Variants in COLGALT2 observed in about 807,000 individuals in gnomAD.
COLGALT2 encodes collagen beta(1-O)galactosyltransferase 2, also known as procollagen galactosyltransferase 2.
Under a neutral mutation model 73.4 loss-of-function variants are expected in COLGALT2, and 49 were observed. The observed-to-expected ratio is 0.67, with a 90% CI of 0.53 to 0.85. COLGALT2 has a LOEUF of 0.85. Ranked by LOEUF, COLGALT2 falls within the 40% of genes least tolerant of loss-of-function variation. COLGALT2 has a pLI of 0.00. For missense variants in COLGALT2, 722 were observed against 790.2 expected, an observed-to-expected ratio of 0.91 and a Z score of 1.03; for synonymous variants, 295 against 307.6, an observed-to-expected ratio of 0.96 and a Z score of 0.43.
At chr1:184,012,958 C>T (rs1461274202) in intron 1 of COLGALT2, among the ~76,000 whole-genome samples, 2 of 152,226 alleles carry the variant, frequency 1.3e-5, no homozygotes, top group East Asian at 3.8e-4. Context: ...AGGGCGGGCC[C>T]TCAAGAAGCT....
At chr1:184,020,283 C>G (rs1649134789) in intron 1 of COLGALT2, among the ~76,000 whole-genome samples, 2 of 152,020 alleles carry the variant, frequency 1.3e-5, no homozygotes, top group African/African-American at 4.8e-5. Flanking sequence ...GTTAACAGAG[C>G]AAATAATATT....
chr1:183,933,861 A>AAACT (rs1230037467), downstream of COLGALT2, among the ~76,000 whole-genome samples: 12 of 152,202 alleles, frequency 7.9e-5, no homozygotes. Flanking sequence ...GCATAAAAAC[A>AAACT]AACTCCATAA....
chr1:183,942,975 C>CA lies in COLGALT2; in HGVS notation c.1397+1220dup, dbSNP rs562593607. 4.3e-4 allele frequency among the ~76,000 whole-genome samples: 66 copies of CA among 152,198 alleles called. 1 individual carries two copies. Among genetic ancestry groups the CA allele is most frequent in the Non-Finnish European group, 2.5e-4 (17 of 68,042 alleles). Reference sequence around the variant, plus strand: ...GTTGCCTTTATACAAGTCACGTGGACATCAAGTAGCTTCCAGGCCTGTGAG... The same window carrying CA: ...GTTGCCTTTATACAAGTCACGTGGACAATCAAGTAGCTTCCAGGCCTGTGAG... On this transcript the variant is annotated intron_variant, in intron 10 of 11. Transcript: ENST00000361927.
At chr1:183,964,865 C>T (rs893770067) in intron 5 of COLGALT2, among the ~76,000 whole-genome samples, 14 of 152,088 alleles carry the variant, frequency 9.2e-5, no homozygotes, top group African/African-American at 2.4e-4. Context: ...AGGATGAGTC[C>T]GCCATGTATC....
chr1:184,001,380 A>G (rs1299993566), intron 1 of COLGALT2, among the ~76,000 whole-genome samples: 1 of 152,096 alleles, frequency 6.6e-6, no homozygotes, highest in Admixed American at 6.5e-5. Context: ...TCTTTTATAG[A>G]TTTTGGAAAA....
At chr1:183,932,052 A>AG (rs1669859696), downstream of COLGALT2, among the ~76,000 whole-genome samples, 1 of 152,158 alleles carries the variant, frequency 6.6e-6, no homozygotes, top group South Asian at 2.1e-4. Context: ...GAGGTTTCAC[A>AG]GGGGAGACAG....
intron 11 of COLGALT2, among the ~76,000 whole-genome samples, 170 bp from the exon 12 acceptor site, chr1:183,939,207 T>C (rs891972388): frequency 1.3e-5 from 2 of 152,178 alleles, no homozygotes; most frequent in African/African-American, 4.8e-5. Context: ...CTTTAAAAGC[T>C]TTCCAAAGAC....
At chr1:183,961,180 G>A (rs938577761) in intron 6 of COLGALT2, among the ~76,000 whole-genome samples, 4 of 152,192 alleles carry the variant, frequency 2.6e-5, no homozygotes, top group African/African-American at 7.2e-5. Flanking sequence ...AATAAAATGC[G>A]ATATGTAAAG....
At chr1:184,020,947 T>A (rs1055666292) in intron 1 of COLGALT2, among the ~76,000 whole-genome samples, 2 of 152,118 alleles carry the variant, frequency 1.3e-5, no homozygotes, top group African/African-American at 4.8e-5. Flanking sequence ...TTGGATGTTC[T>A]CATGGCATGG....
chr1:183,978,099 G>A (rs976254720), intron 2 of COLGALT2, among the ~76,000 whole-genome samples: 9 of 152,046 alleles, frequency 5.9e-5, no homozygotes, highest in Admixed American at 5.9e-4. Context: ...TTTTCAATAT[G>A]ATCCTCCAAA....
chr1:183,972,663 A>C (rs1385079404), intron 4 of COLGALT2, among the ~76,000 whole-genome samples: 1 of 151,976 alleles, frequency 6.6e-6, no homozygotes, highest in Non-Finnish European at 1.5e-5. Context: ...TAAATTTGGC[A>C]ACATACATCG....
chr1:184,009,476 G>C (rs1216190582), intron 1 of COLGALT2, among the ~76,000 whole-genome samples: 1 of 152,176 alleles, frequency 6.6e-6, no homozygotes, highest in African/African-American at 2.4e-5. Flanking sequence ...AATCTAGATT[G>C]TAAATGGCAG....
At position 183,937,653 on chromosome 1, in the gene COLGALT2, T is replaced by A; in HGVS notation, c.*1108A>T. The A allele has an allele frequency of 2.0e-6, 2 of 985,434 alleles. No individual in the cohort carries two copies. The highest frequency in any genetic ancestry group is 2.4e-6 in the Non-Finnish European group (2 of 829,946). The allele number at this position is 985,434 out of a possible 1,614,324, so 61.0% of individuals were successfully genotyped here. A position where few individuals can be genotyped will look rare whatever the true frequency, so the allele number is the denominator to read the frequency against. On this transcript the variant is annotated 3_prime_UTR_variant, in exon 12 of 12. Coordinates refer to ENST00000361927, the MANE Select transcript of COLGALT2 (RefSeq NM_015101.4). ...GGCTGGGAAATTCAGGAGAATCAGA[T>A]TGCCGAACCAATGTGTCCACACCCA... is the stretch of plus-strand genomic sequence containing the variant.
intron 1 of COLGALT2, among the ~76,000 whole-genome samples, chr1:183,987,511 A>G (rs1270871451): frequency 6.6e-6 from 1 of 152,236 alleles, no homozygotes; most frequent in Non-Finnish European, 1.5e-5. Flanking sequence ...CTAGCTTGCC[A>G]TGCTTCCAGC....
chr1:183,973,554 T>A (rs963014946), intron 4 of COLGALT2, 62 bp downstream of exon 4: 23 of 1,600,418 alleles, frequency 1.4e-5, no homozygotes, highest in Non-Finnish European at 1.6e-5. Context: ...ATGGGACTAC[T>A]GTTGACCGGG....
At chr1:184,036,109 G>C (rs995414618) in intron 1 of COLGALT2, among the ~76,000 whole-genome samples, 1 of 152,098 alleles carries the variant, frequency 6.6e-6, no homozygotes, top group African/African-American at 2.4e-5. Flanking sequence ...TCTTCCTCAG[G>C]GGGCCAGAGT....
At chr1:184,025,971 C>T (rs1190569298) in intron 1 of COLGALT2, among the ~76,000 whole-genome samples, 1 of 152,144 alleles carries the variant, frequency 6.6e-6, no homozygotes, top group African/African-American at 2.4e-5. Flanking sequence ...CATATTACCA[C>T]CCTTTGGGAA....
At chr1:183,945,920 C>T (rs1670236440) in intron 8 of COLGALT2, 1 of 205,322 alleles carries the variant, frequency 4.9e-6, no homozygotes, top group African/African-American at 2.3e-5. Context: ...TCTGTTAACA[C>T]AGTGAGCTTT....
At chr1:184,001,027 G>A (rs1469559825) in intron 1 of COLGALT2, among the ~76,000 whole-genome samples, 11 of 151,958 alleles carry the variant, frequency 7.2e-5, no homozygotes. Context: ...TAGAGACGGG[G>A]TTTCACTGTG....
Sources: gnomAD v4.1 joint callset for allele counts (sites outside exome capture counted in the v4.1 genomes callset) on GRCh38, gnomAD v4.1.1 for gene constraint, MANE v1.5 for transcripts, NCBI Gene and HGNC (gene_info 2026-07-23, HGNC 2026-07-21) for gene names.